Variants in CRYZL1 observed in about 807,000 individuals in gnomAD.
CRYZL1 encodes ferry endosomal RAB5 effector complex subunit 4.
In CRYZL1, 34 loss-of-function variants were observed where a neutral mutation model predicts 50.6. The ratio of observed to expected loss-of-function variants is 0.67; its 90% CI spans 0.51 to 0.89. CRYZL1 has a LOEUF of 0.89. Ranked by LOEUF, CRYZL1 falls within the 40% of genes least tolerant of loss-of-function variation. The pLI, the probability that CRYZL1 is intolerant of heterozygous loss-of-function variation, is 0.00. For synonymous variants in CRYZL1, 125 were observed against 134.3 expected (o/e 0.93, Z 0.48); for missense variants, 354 against 402.3 (o/e 0.88, Z 1.03).
At chr21:33,629,532 G>T (rs573136650) in intron 2 of CRYZL1, among the ~76,000 whole-genome samples, 83 of 152,298 alleles carry the variant, frequency 5.4e-4, no homozygotes, top group African/African-American at 1.9e-3. Context: ...CAAAGTGCTG[G>T]GATTACAGGC....
Position 33,603,493 on chromosome 21 carries a change from T to C in CRYZL1, c.376A>G (p.Ile126Val), listed in dbSNP as rs2086777542. 1.2e-6 allele frequency: 2 copies of C among 1,614,210 alleles called. No individual in the cohort carries two copies. Among genetic ancestry groups the C allele is most frequent in the African/African-American group, 1.3e-5 (1 of 75,056 alleles). ...KVTWTEAAGS[I>V]RDGVRAYTAL... ...GTATAGGCACGCACTCCATCCCGAA[T>C]GCTTCCTGCTGCTTCCGTCCATGTG... The change falls in exon 7 of 13, where the codon ATT (isoleucine) becomes GTT (valine). Residue 126 changes from isoleucine (I) to valine (V), a missense_variant. Transcript: ENST00000381554.
At chr21:33,641,233 C>G in intron 1 of CRYZL1, 1 of 1,550,524 alleles carries the variant, frequency 6.4e-7, no homozygotes, top group Non-Finnish European at 8.7e-7. Flanking sequence ...CGATCTGGCT[C>G]AAAAGCCACA....
At position 33,589,917 on chromosome 21, in the gene CRYZL1, G is replaced by A. The variant is rs769466510; in HGVS notation, c.955C>T (p.Gln319Ter). ...EKLSTGVFRP[Q>*]LDEPIPLYEA... Reference sequence around the variant, plus strand: ...TACAGTGGAATGGGTTCATCCAACTGAGGTCTGAGAAGGAATGAAATTAGA... The same window carrying A: ...TACAGTGGAATGGGTTCATCCAACTAAGGTCTGAGAAGGAATGAAATTAGA... Residue 319 changes from glutamine to a stop codon, truncating the protein, a stop_gained, in exon 13 of 13, where the codon CAG (glutamine) becomes TAG (stop). Transcript: ENST00000381554. LOFTEE classifies it high-confidence loss of function. 2 of 1,581,184 alleles carry A rather than the reference G, an allele frequency of 1.3e-6. No homozygotes were observed. Among genetic ancestry groups the A allele is most frequent in the Non-Finnish European group, 1.7e-6 (2 of 1,158,004 alleles).
At chr21:33,613,927 C>T (rs1288888582) in intron 5 of CRYZL1, among the ~76,000 whole-genome samples, 1 of 152,106 alleles carries the variant, frequency 6.6e-6, no homozygotes, top group Admixed American at 6.5e-5. Context: ...AATCCCAGCA[C>T]TTTGGGAGGC....
At chr21:33,606,883 T>C (rs2086820424) in intron 6 of CRYZL1, among the ~76,000 whole-genome samples, 1 of 148,990 alleles carries the variant, frequency 6.7e-6, no homozygotes, top group Non-Finnish European at 1.5e-5. Context: ...TGGTGGCGCA[T>C]GCCTGTAATC....
In CRYZL1 at chr21:33,589,807, T is replaced by C; in HGVS notation, c.*15A>G. 2 of 1,513,258 alleles carry C rather than the reference T, an allele frequency of 1.3e-6. No individual in the cohort carries two copies. Among genetic ancestry groups the C allele is most frequent in the East Asian group, 4.5e-5 (2 of 44,364 alleles). The allele number at this position is 1,513,258 out of a possible 1,614,324, so 93.7% of individuals were successfully genotyped here. On this transcript the variant is annotated 3_prime_UTR_variant, in exon 13 of 13. Coordinates refer to ENST00000381554, the MANE Select transcript of CRYZL1 (RefSeq NM_145858.3). Reference sequence around the variant, plus strand: ...GGAATATGTTCATCCGACTGAGGTCTGAGAAAGAAGAAAATTAAAATTGAA... The same window carrying C: ...GGAATATGTTCATCCGACTGAGGTCCGAGAAAGAAGAAAATTAAAATTGAA...
chr21:33,632,141 G>A (rs1228265361), intron 1 of CRYZL1, among the ~76,000 whole-genome samples: 2 of 148,172 alleles, frequency 1.3e-5, no homozygotes, highest in Non-Finnish European at 3.0e-5. Context: ...TGACCGACAT[G>A]GAGAAACCCC....
At chr21:33,590,214 AC>A (rs2086629687) in intron 12 of CRYZL1, among the ~76,000 whole-genome samples, 2 of 152,060 alleles carry the variant, frequency 1.3e-5, no homozygotes, top group African/African-American at 4.8e-5. Flanking sequence ...GATGGGTTTC[AC>A]CATGTTGGCC....
chr21:33,639,270 G>A (rs2145969359), intron 1 of CRYZL1, among the ~76,000 whole-genome samples: 1 of 152,244 alleles, frequency 6.6e-6, no homozygotes, highest in African/African-American at 2.4e-5. Context: ...ACGTGGGATG[G>A]TCATTATCCC....
chr21:33,615,502 T>A (rs375370331), intron 5 of CRYZL1, among the ~76,000 whole-genome samples: 1 of 152,166 alleles, frequency 6.6e-6, no homozygotes, highest in Non-Finnish European at 1.5e-5. Context: ...TTTCTAACTT[T>A]ATGTCTTCCA....
At chr21:33,594,393 C>T (rs2086673853) in intron 11 of CRYZL1, 1 of 151,892 alleles carries the variant, frequency 6.6e-6, no homozygotes, top group Middle Eastern at 3.4e-3. Flanking sequence ...GATTTCCTGA[C>T]CTCGTGATCC....
chr21:33,596,278 T>G, intron 10 of CRYZL1: 1 of 399,480 alleles, frequency 2.5e-6, no homozygotes, highest in South Asian at 1.9e-5. Flanking sequence ...GTGATAATTT[T>G]ATATAGAAAT....
rs973052982 is a variant in CRYZL1 at position 33,634,287 on chromosome 21, C to A, written c.-6-2730G>T. On this transcript the variant is annotated intron_variant, in intron 1 of 12. Coordinates refer to ENST00000381554, the MANE Select transcript of CRYZL1 (RefSeq NM_145858.3). ...CTCTCTAAAATGCATACTCTCTCTC[C>A]CTACTCTACCTTACTGCTTCCACAA... is the stretch of plus-strand genomic sequence containing the variant. 3.3e-5 allele frequency among the ~76,000 whole-genome samples: 5 copies of A among 152,086 alleles called. No individual in the cohort carries two copies. In the East Asian group the frequency reaches 7.7e-4, roughly 23 times the overall value.
At chr21:33,592,222 A>T (rs2086651808) in intron 11 of CRYZL1, among the ~76,000 whole-genome samples, 1 of 148,032 alleles carries the variant, frequency 6.8e-6, no homozygotes, top group Non-Finnish European at 1.5e-5. Context: ...GGCTCACTGC[A>T]GCCTCAACCT....
Position 33,631,540 on chromosome 21 carries a change from T to A in CRYZL1, c.12A>T (p.Leu4Phe), listed in dbSNP as rs145481615. The stretch of plus-strand genomic sequence containing the variant: ...CATCTGTGGAACTCTGTTGGAAATA[T>A]AAGCCTTTCATAGTCACCTAAAAAT... MKG[L>F]YFQQSSTDEE... Residue 4 changes from leucine to phenylalanine, a missense_variant, in exon 2 of 13, where the codon TTA (leucine) becomes TTT (phenylalanine). By Grantham distance (22) the Leu-to-Phe change is conservative (BLOSUM62 0). Transcript: ENST00000381554. 10 of 1,511,500 alleles carry A rather than the reference T, an allele frequency of 6.6e-6. No individual in the cohort carries two copies. The highest frequency in any genetic ancestry group is 8.8e-6 in the Non-Finnish European group (10 of 1,135,114). 93.6% of individuals were successfully genotyped at this position (1,511,500 alleles called of 1,614,324 possible).
At chr21:33,629,068 A>G (rs1182071473) in intron 2 of CRYZL1, among the ~76,000 whole-genome samples, 1 of 7,494 alleles carries the variant, frequency 1.3e-4, no homozygotes, top group African/African-American at 2.5e-3. Flanking sequence ...GCCTCTACCA[A>G]AAAAAAAAAA....
At position 33,599,084 on chromosome 21, in the gene CRYZL1, A is replaced by AT. The variant is rs970692949; in HGVS notation, c.676+65dup. ...GCATTAATAATTATGCCCTGGTTAA[A>AT]TTTTTTTTCTTAAATTCATCAAACT... is the stretch of plus-strand genomic sequence containing the variant. On this transcript the variant is annotated intron_variant, in intron 9 of 12. Transcript: ENST00000381554. The AT allele has an allele frequency of 3.5e-5, 51 of 1,473,222 alleles. No individual in the cohort carries two copies. The African/African-American group carries it at 3.5e-4, about 10-fold the overall frequency. 91.3% of individuals were successfully genotyped at this position (1,473,222 alleles called of 1,614,324 possible).
chr21:33,608,386 C>T (rs1315611665), intron 6 of CRYZL1, among the ~76,000 whole-genome samples: 13 of 152,132 alleles, frequency 8.5e-5, no homozygotes, highest in African/African-American at 2.9e-4. Context: ...ACCTGGGAGG[C>T]GGAGGTTGCA....
chr21:33,634,769 T>C (rs2145963132), intron 1 of CRYZL1, among the ~76,000 whole-genome samples: 1 of 151,962 alleles, frequency 6.6e-6, no homozygotes, highest in South Asian at 2.1e-4. Flanking sequence ...ATATGGCATG[T>C]CTCCCAGATA....
Sources: gnomAD v4.1 joint callset for allele counts (sites outside exome capture counted in the v4.1 genomes callset) on GRCh38, gnomAD v4.1.1 for gene constraint, MANE v1.5 for transcripts, NCBI Gene and HGNC (gene_info 2026-07-23, HGNC 2026-07-21) for gene names.